EFR3A: variants seen among roughly 807,000 people sequenced by gnomAD.
EFR3A encodes EFR3 homolog A.
EFR3A carries 76 observed loss-of-function variants against 104.4 expected under a neutral mutation model. That is an observed-to-expected ratio of 0.73 (90% CI 0.60 to 0.88). The LOEUF (loss-of-function observed/expected upper bound fraction) is 0.88. Ranked by LOEUF, EFR3A falls within the 40% of genes least tolerant of loss-of-function variation. The pLI is 0.00. For missense variants in EFR3A, 985 were observed against 1,012.5 expected, an observed-to-expected ratio of 0.97 and a Z score of 0.37; for synonymous variants, 330 against 330.0, an observed-to-expected ratio of 1.00 and a Z score of 0.00.
intron 1 of EFR3A, among the ~76,000 whole-genome samples, chr8:131,916,247 T>C (rs1190646731): frequency 2.6e-5 from 4 of 152,204 alleles, no homozygotes; most frequent in African/African-American, 7.2e-5. Flanking sequence ...TAAAATACAG[T>C]AGTCTAATTG....
chr8:132,010,478 GAT>G (rs1026417588), intron 22 of EFR3A, among the ~76,000 whole-genome samples: 4 of 132,586 alleles, frequency 3.0e-5, no homozygotes, highest in African/African-American at 1.1e-4. Context: ...CATCAAAAAA[GAT>G]AATATCTGTA....
At chr8:131,999,757 T>C (rs891328788) in intron 19 of EFR3A, among the ~76,000 whole-genome samples, 1 of 151,714 alleles carries the variant, frequency 6.6e-6, no homozygotes, top group African/African-American at 2.4e-5. Context: ...GAAGCAAAAT[T>C]ATAGAAAGTT....
In EFR3A at chr8:131,968,449, A is replaced by T; in HGVS notation, c.991+19A>T. On this transcript the variant is annotated intron_variant, in intron 9 of 22. Transcript: ENST00000254624. ...TCCATAGGTGAGTGCCAATAAATAA[A>T]ATAAAATAGTGCGTTGATCTGGTTC... The T allele has an allele frequency of 1.2e-6, 2 of 1,612,604 alleles. No individual in the cohort carries two copies. The highest frequency in any genetic ancestry group is 2.2e-5 in the South Asian group (2 of 90,996).
chr8:131,926,621 T>G (rs942406212), intron 1 of EFR3A, among the ~76,000 whole-genome samples: 17 of 151,916 alleles, frequency 1.1e-4, no homozygotes, highest in Non-Finnish European at 2.9e-5. Flanking sequence ...AAAAAAAAAT[T>G]TTGGAGGGTA....
chr8:132,011,222 C>G lies in EFR3A; in HGVS notation c.*327C>G. 3 of 1,011,810 alleles carry G rather than the reference C, an allele frequency of 3.0e-6. No individual in the cohort carries two copies. Among genetic ancestry groups the G allele is most frequent in the Non-Finnish European group, 3.5e-6 (3 of 845,428 alleles). The allele number at this position is 1,011,810 out of a possible 1,614,324, so 62.7% of individuals were successfully genotyped here. A position where few individuals can be genotyped will look rare whatever the true frequency, so the allele number is the denominator to read the frequency against. On this transcript the variant is annotated 3_prime_UTR_variant, in exon 23 of 23. Transcript: ENST00000254624. ...AATGTAATGTTTTTTAAAAAGTAAG[C>G]CTTCAGAGGATTGAAACTGTATAAA...
chr8:131,948,992 T>G (rs138132247), intron 4 of EFR3A, among the ~76,000 whole-genome samples: 2 of 152,266 alleles, frequency 1.3e-5, no homozygotes, highest in African/African-American at 4.8e-5. Flanking sequence ...TTTCAGAAAT[T>G]GTGCTAGATA....
At chr8:131,947,815 G>A (rs1298619240) in intron 4 of EFR3A, among the ~76,000 whole-genome samples, 1 of 151,890 alleles carries the variant, frequency 6.6e-6, no homozygotes, top group Non-Finnish European at 1.5e-5. Context: ...CTTTCCCTTT[G>A]AATGGTCTTG....
rs550105885 is a variant in EFR3A at position 131,983,188 on chromosome 8, C to T, written c.1576-951C>T. Among the ~76,000 whole-genome samples the T allele has an allele frequency of 6.6e-5, 10 of 152,304 alleles. No individual in the cohort carries two copies. In the East Asian group the frequency reaches 1.7e-3, roughly 26 times the overall value. ...TGAGAAACAGGCTTGGAATATTAAG[C>T]CTAAAGTCTCTCCACATGGGAAAAA... On this transcript the variant is annotated intron_variant, in intron 14 of 22. Transcript: ENST00000254624.
At chr8:131,952,059 G>A (rs576499445) in intron 5 of EFR3A, among the ~76,000 whole-genome samples, 1 of 151,894 alleles carries the variant, frequency 6.6e-6, no homozygotes, top group Non-Finnish European at 1.5e-5. Context: ...TGAAGAACTG[G>A]CTCCCACTTG....
At chr8:131,991,793 G>A (rs954277404) in intron 18 of EFR3A, among the ~76,000 whole-genome samples, 1 of 152,128 alleles carries the variant, frequency 6.6e-6, no homozygotes, top group Non-Finnish European at 1.5e-5. Flanking sequence ...GTAAGGTAAT[G>A]TTGGAATGTG....
rs1434074119 is a variant in EFR3A, at chr8:131,960,108, G to C, written c.855+445G>C. 9.2e-5 allele frequency among the ~76,000 whole-genome samples: 14 copies of C among 152,172 alleles called. 1 individual carries two copies. The highest frequency in any genetic ancestry group is 8.5e-4 in the Admixed American group (13 of 15,280). On this transcript the variant is annotated intron_variant, in intron 8 of 22. Coordinates refer to ENST00000254624, the MANE Select transcript of EFR3A (RefSeq NM_015137.6). Reference sequence around the variant, plus strand: ...GAAAGCTGAAGATTTGCCTGGGACTGCTGCTGGCTTCAGTGTGCACTTGCC... The same window carrying C: ...GAAAGCTGAAGATTTGCCTGGGACTCCTGCTGGCTTCAGTGTGCACTTGCC...
chr8:131,909,955 T>C (rs1382124574), intron 1 of EFR3A, among the ~76,000 whole-genome samples: 1 of 152,234 alleles, frequency 6.6e-6, no homozygotes, highest in Non-Finnish European at 1.5e-5. Flanking sequence ...GTCCCCAGCC[T>C]GCTCCCTAGG....
intron 1 of EFR3A, chr8:131,940,203 A>C (rs1488564555): frequency 3.2e-6 from 1 of 312,892 alleles, no homozygotes; most frequent in African/African-American, 2.2e-5. Flanking sequence ...TTGCGGGCAG[A>C]TGACATCAGA....
intron 8 of EFR3A, among the ~76,000 whole-genome samples, chr8:131,964,546 C>T (rs1400375073): frequency 6.6e-6 from 1 of 152,116 alleles, no homozygotes; most frequent in Non-Finnish European, 1.5e-5. Context: ...AGGAGAACTA[C>T]AAACCACTGC....
At chr8:131,948,193 A>G (rs1199176484) in intron 4 of EFR3A, among the ~76,000 whole-genome samples, 2 of 152,124 alleles carry the variant, frequency 1.3e-5, no homozygotes, top group African/African-American at 4.8e-5. Context: ...GAGGAAGTAT[A>G]CGAGGTGCTG....
At chr8:131,940,464 A>G in intron 1 of EFR3A, 35 bp from the exon 2 acceptor site, 3 of 1,535,542 alleles carry the variant, frequency 2.0e-6, no homozygotes, top group Non-Finnish European at 1.8e-6. Context: ...AATATTAATA[A>G]TATCTGTATT....
In EFR3A at chr8:131,904,161, C is replaced by CG; in HGVS notation, c.-148dup. 1 of 912,528 alleles carries CG rather than the reference C, an allele frequency of 1.1e-6. No homozygotes were observed. Among genetic ancestry groups the CG allele is most frequent in the South Asian group, 5.3e-5 (1 of 18,916 alleles). The allele number at this position is 912,528 out of a possible 1,614,324, so 56.5% of individuals were successfully genotyped here. ...TGTCGCCCGCTTGGTTGCGTGACCG[C>CG]GGGGTCCGCGTCCGCTCCCTCCACC... On this transcript the variant is annotated 5_prime_UTR_variant, in exon 1 of 23. Transcript: ENST00000254624.
intron 8 of EFR3A, among the ~76,000 whole-genome samples, chr8:131,962,672 T>C (rs1300146287): frequency 6.6e-6 from 1 of 152,114 alleles, no homozygotes; most frequent in African/African-American, 2.4e-5. Flanking sequence ...TTAACAAGGA[T>C]ATACAAGGAT....
At chr8:131,956,513 T>A (rs1309571497) in intron 7 of EFR3A, among the ~76,000 whole-genome samples, 2 of 152,190 alleles carry the variant, frequency 1.3e-5, no homozygotes, top group Non-Finnish European at 2.9e-5. Context: ...AGATGATAGA[T>A]CTACTATATA....
Sources: gnomAD v4.1 joint callset for allele counts (sites outside exome capture counted in the v4.1 genomes callset) on GRCh38, gnomAD v4.1.1 for gene constraint, MANE v1.5 for transcripts, NCBI Gene and HGNC (gene_info 2026-07-23, HGNC 2026-07-21) for gene names.